The following ADAMTS19 variants were observed in gnomAD, a reference collection of about 807,000 sequenced individuals.
The protein encoded by ADAMTS19 is A disintegrin and metalloproteinase with thrombospondin motifs 19.
Under a neutral mutation model 153.3 loss-of-function variants are expected in ADAMTS19, and 93 were observed. That is an observed-to-expected ratio of 0.61 (90% confidence interval 0.51 to 0.72). The LOEUF is 0.72. ADAMTS19 is among the 30% of genes least tolerant of loss of function. The probability of loss-of-function intolerance (pLI) is 0.00; values close to 1 mark genes in which losing one functional copy is unlikely to be tolerated. For synonymous variants in ADAMTS19, 600 were observed against 556.6 expected (o/e 1.08, Z -1.10); for missense variants, 1,482 against 1,552.1 (o/e 0.95, Z 0.76).
chr5:129,616,986 C>T (rs555919208), intron 8 of ADAMTS19, among the ~76,000 whole-genome samples: 3 of 152,128 alleles, frequency 2.0e-5, no homozygotes, highest in South Asian at 2.1e-4. Flanking sequence ...GTCACAGCTT[C>T]ACCATTAACC....
rs963658078 is a variant in ADAMTS19 at position 129,643,186 on chromosome 5, C to T, written c.1872+1226C>T. Among the ~76,000 whole-genome samples the T allele has an allele frequency of 2.0e-5, 3 of 149,182 alleles. No homozygotes were observed. The South Asian group carries it at 6.3e-4, about 31-fold the overall frequency. On this transcript the variant is annotated intron_variant, in intron 11 of 22. Coordinates refer to ENST00000274487, the MANE Select transcript of ADAMTS19 (RefSeq NM_133638.6). Reference sequence around the variant, plus strand: ...ACAAAAGCACACACACACACACACACAAGTATATATTTTCAAACTCATAAA... The same window carrying T: ...ACAAAAGCACACACACACACACACATAAGTATATATTTTCAAACTCATAAA...
At chr5:129,521,659 A>G (rs1751804523) in intron 3 of ADAMTS19, among the ~76,000 whole-genome samples, 1 of 152,150 alleles carries the variant, frequency 6.6e-6, no homozygotes, top group African/African-American at 2.4e-5. Flanking sequence ...CTTCTAGCCT[A>G]TAGGATGAAG....
At chr5:129,658,561 G>C in intron 14 of ADAMTS19, 56 bp from the exon 15 acceptor site, 1 of 1,572,740 alleles carries the variant, frequency 6.4e-7, no homozygotes, top group South Asian at 1.2e-5. Context: ...CAAATTAGTA[G>C]TAAAACAAGA....
At position 129,720,145 on chromosome 5, in the gene ADAMTS19, T is replaced by G. The variant is rs1164103012; in HGVS notation, c.3313-14787T>G. Among the ~76,000 whole-genome samples, 5 of 120,382 alleles carry G rather than the reference T, an allele frequency of 4.2e-5. No homozygotes were observed. In the East Asian group the frequency reaches 1.3e-3, roughly 32 times the overall value. The allele number at this position is 120,382 out of a possible 152,430, so 79.0% of individuals were successfully genotyped here. ...CTTTAATTTTAGGACAGTATGTGTG[T>G]ATGTATATATATATATATATATATA... On this transcript the variant is annotated intron_variant, in intron 21 of 22. Coordinates refer to ENST00000274487, the MANE Select transcript of ADAMTS19 (RefSeq NM_133638.6).
At chr5:129,581,496 T>C (rs1469745549) in intron 7 of ADAMTS19, among the ~76,000 whole-genome samples, 2 of 150,792 alleles carry the variant, frequency 1.3e-5, no homozygotes, top group Non-Finnish European at 2.9e-5. Flanking sequence ...TCTCTTTTCT[T>C]CTTTCTTTAT....
intron 7 of ADAMTS19, among the ~76,000 whole-genome samples, chr5:129,578,006 C>T (rs1233458701): frequency 6.8e-6 from 1 of 146,882 alleles, no homozygotes; most frequent in East Asian, 2.0e-4. Context: ...TTTTCTTTAG[C>T]TCCCTGAAGG....
chr5:129,462,217 T>A (rs10036717), intron 2 of ADAMTS19, among the ~76,000 whole-genome samples: 19,918 of 152,084 alleles, frequency 0.13, 3,015 homozygotes, highest in African/African-American at 0.37. Flanking sequence ...TACTTCAAAG[T>A]TGAAAGAACA....
intron 8 of ADAMTS19, among the ~76,000 whole-genome samples, chr5:129,609,379 C>T (rs1751087549): frequency 6.6e-6 from 1 of 152,134 alleles, no homozygotes; most frequent in Non-Finnish European, 1.5e-5. Context: ...CAATGATTGG[C>T]ACAAAATACA....
At chr5:129,576,649 G>A (rs950759150) in intron 7 of ADAMTS19, among the ~76,000 whole-genome samples, 7 of 149,498 alleles carry the variant, frequency 4.7e-5, no homozygotes, top group African/African-American at 1.7e-4. Context: ...CTCTCATCTG[G>A]TGCTTTCCAA....
At chr5:129,488,853 C>A (rs1750677469) in intron 2 of ADAMTS19, among the ~76,000 whole-genome samples, 1 of 151,998 alleles carries the variant, frequency 6.6e-6, no homozygotes, top group South Asian at 2.1e-4. Flanking sequence ...TTGATAGGAA[C>A]ATGCTAGTCC....
At chr5:129,537,110 G>A (rs1561558104) in intron 6 of ADAMTS19, among the ~76,000 whole-genome samples, 1 of 151,936 alleles carries the variant, frequency 6.6e-6, no homozygotes, top group Non-Finnish European at 1.5e-5. Flanking sequence ...CAAAAAGTGG[G>A]TGAAGGATAT....
intron 2 of ADAMTS19, among the ~76,000 whole-genome samples, chr5:129,480,550 G>T (rs981345709): frequency 2.0e-5 from 3 of 152,068 alleles, no homozygotes; most frequent in Non-Finnish European, 4.4e-5. Flanking sequence ...TCATTAATAA[G>T]AAGGCAGACA....
intron 10 of ADAMTS19, among the ~76,000 whole-genome samples, chr5:129,629,075 C>T (rs555271647): frequency 6.6e-6 from 1 of 152,196 alleles, no homozygotes; most frequent in South Asian, 2.1e-4. Context: ...CTATACAAAA[C>T]AAATCTCCTA....
intron 6 of ADAMTS19, among the ~76,000 whole-genome samples, chr5:129,539,234 A>G (rs1024652575): frequency 2.6e-5 from 4 of 152,088 alleles, no homozygotes; most frequent in Admixed American, 6.6e-5. Context: ...TTATCCTGGC[A>G]TATTTGAGTG....
chr5:129,579,801 G>GT (rs746149933), intron 7 of ADAMTS19, among the ~76,000 whole-genome samples: 93 of 152,146 alleles, frequency 6.1e-4, no homozygotes, highest in African/African-American at 1.4e-3. Context: ...CTATATATCT[G>GT]TTTTTTTACC....
At chr5:129,690,911 A>G (rs2127141804) in intron 18 of ADAMTS19, among the ~76,000 whole-genome samples, 1 of 152,272 alleles carries the variant, frequency 6.6e-6, no homozygotes, top group East Asian at 1.9e-4. Flanking sequence ...AATTTAATTT[A>G]AAATTTTAGA....
intron 2 of ADAMTS19, among the ~76,000 whole-genome samples, chr5:129,481,770 G>A (rs73787514): frequency 0.013 from 1,981 of 152,190 alleles, 41 homozygotes; most frequent in African/African-American, 0.045. Context: ...CCTCCCCAAA[G>A]GTGACTTCAG....
intron 14 of ADAMTS19, among the ~76,000 whole-genome samples, chr5:129,657,856 G>A (rs1561631698): frequency 1.3e-5 from 2 of 152,300 alleles, no homozygotes; most frequent in East Asian, 3.9e-4. Flanking sequence ...TCTGTTCCTT[G>A]TTGAGTAGAA....
intron 3 of ADAMTS19, among the ~76,000 whole-genome samples, chr5:129,525,662 T>A (rs1376338699): frequency 6.6e-6 from 1 of 151,872 alleles, no homozygotes; most frequent in Non-Finnish European, 1.5e-5. Context: ...TAAACGGAAG[T>A]TCTTACTTTT....
Sources: allele counts gnomAD v4.1 joint callset (sites outside exome capture counted in the v4.1 genomes callset), GRCh38; gene constraint gnomAD v4.1.1; transcripts MANE v1.5; gene names NCBI Gene and HGNC (gene_info 2026-07-23, HGNC 2026-07-21).